The following PDCD2 variants were observed in gnomAD, a reference collection of about 807,000 sequenced individuals.
PDCD2 encodes the protein uS5 assembly chaperone PDCD2.
PDCD2 carries 38 observed loss-of-function variants against 38.1 expected under a neutral mutation model. That is an observed-to-expected ratio of 1.00 (90% confidence interval 0.77 to 1.31). PDCD2 has a LOEUF of 1.31. Among genes scored for constraint, PDCD2 ranks in the 50% most tolerant of loss-of-function variants. PDCD2 has a pLI of 0.00. For synonymous variants in PDCD2, 205 were observed against 168.9 expected, an observed-to-expected ratio of 1.21 and a Z score of -1.66; for missense variants, 473 against 435.7, an observed-to-expected ratio of 1.09 and a Z score of -0.76.
rs1462670410 is a variant in PDCD2, at chr6:170,576,522, C to T, written c.*1037G>A. The T allele has an allele frequency of 2.0e-5, 3 of 152,242 alleles. No homozygotes were observed. The highest frequency in any genetic ancestry group is 4.4e-5 in the Non-Finnish European group (3 of 68,092). 9.4% of individuals were successfully genotyped at this position (152,242 alleles called of 1,614,324 possible). A position where few individuals can be genotyped will look rare whatever the true frequency, so the allele number is the denominator to read the frequency against. Reference sequence around the variant, plus strand: ...GTCTTAAGGGCAGGCATCACTGGTGCTGAGAGAACTGGGAATTGTCAACTG... The same window carrying T: ...GTCTTAAGGGCAGGCATCACTGGTGTTGAGAGAACTGGGAATTGTCAACTG... On this transcript the variant is annotated 3_prime_UTR_variant, in exon 6 of 6. Transcript: ENST00000541970.
In PDCD2 at chr6:170,580,206, CTATT is replaced by C; in HGVS notation, c.659-105_659-102del. ...CCCACTTTTAATCAGATAGCTTTCC[CTATT>C]TATTCACTCATTCAAGTTGGACCAT... On this transcript the variant is annotated intron_variant, in intron 3 of 5. Transcript: ENST00000541970. 2.6e-5 allele frequency: 17 copies of C among 666,184 alleles called. No individual in the cohort carries two copies. The South Asian group carries it at 3.0e-4, about 12-fold the overall frequency. The allele number at this position is 666,184 out of a possible 1,614,324, so 41.3% of individuals were successfully genotyped here.
intron 3 of PDCD2, chr6:170,582,309 A>G: frequency 6.5e-7 from 1 of 1,532,104 alleles, no homozygotes; most frequent in Non-Finnish European, 8.7e-7. Context: ...GACTCAAAAC[A>G]TGTTTTGGAA....
chr6:170,583,673 T>C lies in PDCD2; in HGVS notation c.358A>G (p.Thr120Ala). The change falls in exon 2 of 6, where the codon ACA becomes GCA. Residue 120 changes from threonine to alanine, a missense_variant. Thr to Ala is a moderately conservative substitution (Grantham distance 58). Coordinates refer to ENST00000541970, the MANE Select transcript of PDCD2 (RefSeq NM_002598.4). Reference sequence around the variant, plus strand: ...AGCTGGAGACACACTGATTCTCCTGTTTCTGGGGGAGGATTCTCAGAAGGT... The same window carrying C: ...AGCTGGAGACACACTGATTCTCCTGCTTCTGGGGGAGGATTCTCAGAAGGT... ...EPPSENPPPE[T>A]GESVCLQLKS... The C allele has an allele frequency of 6.2e-7, 1 of 1,614,060 alleles. No individual in the cohort carries two copies. The highest frequency in any genetic ancestry group is 8.5e-7 in the Non-Finnish European group (1 of 1,179,918).
At position 170,583,920 on chromosome 6, in the gene PDCD2, G is replaced by A. The variant is rs139554122; in HGVS notation, c.284-173C>T. ...TAGATTTCGTCCGGTACACGCAACTGAGTTGCCTCCTAGAGGTGGTTTGAG... is the reference window on the plus strand; with the variant it reads ...TAGATTTCGTCCGGTACACGCAACTAAGTTGCCTCCTAGAGGTGGTTTGAG... On this transcript the variant is annotated intron_variant, in intron 1 of 5. Transcript: ENST00000541970. 3.7e-3 allele frequency: 2,313 copies of A among 626,352 alleles called. 44 individuals carry two copies. In the African/African-American group the frequency reaches 0.038, roughly 10 times the overall value. The allele number at this position is 626,352 out of a possible 1,614,324, so 38.8% of individuals were successfully genotyped here.
At chr6:170,582,577 A>C in intron 3 of PDCD2, 1 of 1,304,508 alleles carries the variant, frequency 7.7e-7, no homozygotes, top group Non-Finnish European at 9.8e-7. Context: ...TGCTGGATAA[A>C]TGTTGGCTAC....
At chr6:170,582,536 CA>C in intron 3 of PDCD2, 1 of 1,344,676 alleles carries the variant, frequency 7.4e-7, no homozygotes, top group South Asian at 1.6e-5. Flanking sequence ...TTAATGAGCT[CA>C]TGCACAAACA....
Position 170,577,605 on chromosome 6 carries a change from T to C in PDCD2, c.989A>G (p.Tyr330Cys), listed in dbSNP as rs755535884. ...CTGCTTCCACACAAATTCTTCTGTA[T>C]AGCCAGTACCCAAGCTGCAGCTCTC... ...CAESCSLGTG[Y>C]TEEFVWKQDV... is the part of the protein sequence containing the mutation. Residue 330 changes from tyrosine (Y) to cysteine (C), a missense_variant, in exon 6 of 6, where the codon TAT becomes TGT. Transcript: ENST00000541970. 1.2e-6 allele frequency: 2 copies of C among 1,614,146 alleles called. No homozygotes were observed. The highest frequency in any genetic ancestry group is 3.3e-5 in the Admixed American group (2 of 60,018).
At chr6:170,583,399 T>TA in intron 2 of PDCD2, 106 bp downstream of exon 2, 3 of 1,358,630 alleles carry the variant, frequency 2.2e-6, no homozygotes, top group Non-Finnish European at 3.0e-6. Context: ...TGAAAAATTT[T>TA]AAAGTACTAT....
intron 3 of PDCD2, chr6:170,581,989 C>CAT (rs1162067511): frequency 2.5e-6 from 2 of 785,392 alleles, no homozygotes; most frequent in Non-Finnish European, 3.8e-6. Flanking sequence ...ACTAACAAGG[C>CAT]ATATTTGAAG....
In PDCD2 at chr6:170,582,776, G is replaced by A. The variant is rs530911163; in HGVS notation, c.658+281C>T. On this transcript the variant is annotated intron_variant, in intron 3 of 5. Transcript: ENST00000541970. ...ATCCCGACCCGAGAAACCGATCTGC[G>A]ACCCAGAGGAACTTACCAAGCCTCC... The A allele has an allele frequency of 1.6e-5, 21 of 1,277,598 alleles. No homozygotes were observed. In the Admixed American group the frequency reaches 2.3e-4, roughly 14 times the overall value. The allele number at this position is 1,277,598 out of a possible 1,614,324, so 79.1% of individuals were successfully genotyped here.
chr6:170,584,024 A>T (rs530643671), intron 1 of PDCD2: 638 of 546,484 alleles, frequency 1.2e-3, no homozygotes, highest in Non-Finnish European at 1.7e-3. Context: ...TCTTTCCAAG[A>T]CAATTTCTAT....
intron 3 of PDCD2, chr6:170,582,539 G>C: frequency 7.4e-7 from 1 of 1,343,182 alleles, no homozygotes; most frequent in Non-Finnish European, 9.6e-7. Context: ...ATGAGCTCAT[G>C]CACAAACAGC....
At position 170,583,592 on chromosome 6, in the gene PDCD2, A is replaced by T; in HGVS notation, c.439T>A (p.Ser147Thr). The change falls in exon 2 of 6, where the codon TCC becomes ACC. Residue 147 changes from serine (S) to threonine (T), a missense_variant. Ser to Thr is a moderately conservative substitution (Grantham distance 58). Coordinates refer to ENST00000541970, the MANE Select transcript of PDCD2 (RefSeq NM_002598.4). Reference sequence around the variant, plus strand: ...CAGTAATATGCTTTGTGGCATCTGGAGCACGTTTTGGGGCCTAAACAGCCA... The same window carrying T: ...CAGTAATATGCTTTGTGGCATCTGGTGCACGTTTTGGGGCCTAAACAGCCA... ...VCGCLGPKTC[S>T]RCHKAYYCSK... 4.3e-6 allele frequency: 7 copies of T among 1,613,896 alleles called. No homozygotes were observed. The South Asian group carries it at 4.4e-5, about 10-fold the overall frequency.
At position 170,583,557 on chromosome 6, in the gene PDCD2, C is replaced by T. The variant is rs1315925712; in HGVS notation, c.474G>A (p.Glu158=). Residue 158 remains glutamate, a synonymous_variant, in exon 2 of 6, where the codon GAG becomes GAA. Transcript: ENST00000541970. ...CCAATCTCCAGTCTAGGGTCTGATG[C>T]TCCTTGCTGCAGTAATATGCTTTGT... The part of the protein sequence containing the change: ...RCHKAYYCSK[E]HQTLDWRLGH... 1.2e-6 allele frequency: 2 copies of T among 1,613,674 alleles called. No individual in the cohort carries two copies. The highest frequency in any genetic ancestry group is 1.7e-6 in the Non-Finnish European group (2 of 1,179,760).
At position 170,584,479 on chromosome 6, in the gene PDCD2, G is replaced by GCCGC. The variant is rs1779749374; in HGVS notation, c.99_102dup (p.Pro35AlafsTer64). ...AGCCCGGCCGCGCCCAGCCATGCCG[G>GCCGC]CCGCCCGCCCACCTTGCTGGGGAAC... On this transcript the variant is annotated frameshift_variant, in exon 1 of 6. Transcript: ENST00000541970. LOFTEE classifies it high-confidence loss of function. 3 of 1,315,310 alleles carry GCCGC rather than the reference G, an allele frequency of 2.3e-6. No individual in the cohort carries two copies. Among genetic ancestry groups the GCCGC allele is most frequent in the Non-Finnish European group, 2.9e-6 (3 of 1,039,970 alleles). The allele number at this position is 1,315,310 out of a possible 1,614,324, so 81.5% of individuals were successfully genotyped here. A position where few individuals can be genotyped will look rare whatever the true frequency, so the allele number is the denominator to read the frequency against.
In PDCD2 at chr6:170,583,710, G is replaced by A. The variant is rs1779699513; in HGVS notation, c.321C>T (p.Tyr107=). 1 of 1,612,970 alleles carries A rather than the reference G, an allele frequency of 6.2e-7. No homozygotes were observed. The highest frequency in any genetic ancestry group is 8.5e-7 in the Non-Finnish European group (1 of 1,179,250). Residue 107 remains tyrosine, a synonymous_variant, in exon 2 of 6, where the codon TAC becomes TAT. Coordinates refer to ENST00000541970, the MANE Select transcript of PDCD2 (RefSeq NM_002598.4). ...RNQLPRKNDF[Y]SYEPPSENPP... ...GATTCTCAGAAGGTGGCTCATATGA[G>A]TAAAAATCGTTTTTCCTGGGTAGTT... is the stretch of plus-strand genomic sequence containing the variant.
rs1040903779 is a variant in PDCD2, at chr6:170,584,392, C to G, written c.190G>C (p.Val64Leu). Residue 64 changes from valine (V) to leucine (L), a missense_variant, in exon 1 of 6, where the codon GTG becomes CTG. Physicochemically the swap from Val to Leu is conservative, Grantham distance 32 (BLOSUM62 1). Transcript: ENST00000541970. ...CGRPLSFLLQ[V>L]YAPLPGRPDA... ...GGGCGGCCAGGCAGCGGCGCATACACCTGCAGCAGGAAGGAGAGCGGGCGG... is the reference window on the plus strand; with the variant it reads ...GGGCGGCCAGGCAGCGGCGCATACAGCTGCAGCAGGAAGGAGAGCGGGCGG... 15 of 1,457,672 alleles carry G rather than the reference C, an allele frequency of 1.0e-5. No homozygotes were observed. Among genetic ancestry groups the G allele is most frequent in the Non-Finnish European group, 1.4e-5 (15 of 1,109,928 alleles). 90.3% of individuals were successfully genotyped at this position (1,457,672 alleles called of 1,614,324 possible).
In PDCD2 at chr6:170,584,593, G is replaced by C; in HGVS notation, c.-12C>G. 8.0e-7 allele frequency: 1 copy of C among 1,255,002 alleles called. No homozygotes were observed. The highest frequency in any genetic ancestry group is 4.3e-5 in the Admixed American group (1 of 23,488). 77.7% of individuals were successfully genotyped at this position (1,255,002 alleles called of 1,614,324 possible). A position where few individuals can be genotyped will look rare whatever the true frequency, so the allele number is the denominator to read the frequency against. The stretch of plus-strand genomic sequence containing the variant: ...CCGGCGGCAGCCATGCGGGGCGCGG[G>C]CTGGCGTGGGGCGCAGCCCACAGCT... On this transcript the variant is annotated 5_prime_UTR_variant, in exon 1 of 6. Coordinates refer to ENST00000541970, the MANE Select transcript of PDCD2 (RefSeq NM_002598.4).
At chr6:170,584,241 T>C (rs1337661857) in intron 1 of PDCD2, 58 bp downstream of exon 1, 1 of 1,328,622 alleles carries the variant, frequency 7.5e-7, no homozygotes, top group Non-Finnish European at 9.6e-7. Flanking sequence ...GCTCCCGGAA[T>C]TAACGCCGCG....
Sources: allele counts gnomAD v4.1 joint callset, GRCh38; gene constraint gnomAD v4.1.1; transcripts MANE v1.5; gene names NCBI Gene and HGNC (gene_info 2026-07-23, HGNC 2026-07-21).